Variants in C9 observed in about 807,000 individuals in gnomAD.
C9 encodes complement C9, also known as complement component C9.
Under a neutral mutation model 65.4 loss-of-function variants are expected in C9, and 63 were observed. The ratio of observed to expected loss-of-function variants is 0.96; its 90% CI spans 0.79 to 1.19. The LOEUF is 1.19. Among genes scored for constraint, C9 ranks in the 50% most tolerant of loss-of-function variants. C9 has a pLI of 0.00. For synonymous variants in C9, 229 were observed against 227.9 expected, an observed-to-expected ratio of 1.00 and a Z score of -0.04; for missense variants, 744 against 670.1, an observed-to-expected ratio of 1.11 and a Z score of -1.22.
chr5:39,348,510 G>A (rs1050165403), intron 1 of C9, among the ~76,000 whole-genome samples: 1 of 152,216 alleles, frequency 6.6e-6, no homozygotes, highest in African/African-American at 2.4e-5. Context: ...TCATTAAAAA[G>A]TCAGGAAACA....
intron 10 of C9, among the ~76,000 whole-genome samples, chr5:39,288,497 A>G (rs1431053204): frequency 2.0e-5 from 3 of 151,662 alleles, no homozygotes; most frequent in Admixed American, 2.0e-4. Flanking sequence ...TACAATAATT[A>G]TAATTTATTT....
At chr5:39,332,432 C>G (rs766414742) in intron 4 of C9, among the ~76,000 whole-genome samples, 7 of 152,124 alleles carry the variant, frequency 4.6e-5, no homozygotes, top group Non-Finnish European at 8.8e-5. Flanking sequence ...TCTATTTTTT[C>G]CCATAGCAAA....
At chr5:39,311,930 T>A (rs1285194186) in intron 6 of C9, among the ~76,000 whole-genome samples, 1 of 152,124 alleles carries the variant, frequency 6.6e-6, no homozygotes, top group South Asian at 2.1e-4. Context: ...AAGTCAGACA[T>A]AGAGGAGTAT....
chr5:39,346,637 T>C (rs1403964043), intron 1 of C9, among the ~76,000 whole-genome samples: 3 of 152,060 alleles, frequency 2.0e-5, no homozygotes, highest in Admixed American at 1.3e-4. Context: ...TTCCAATCAA[T>C]AGAAAAAGAG....
At chr5:39,308,171 G>C in intron 8 of C9, 59 bp downstream of exon 8, 1 of 1,461,656 alleles carries the variant, frequency 6.8e-7, no homozygotes, top group Non-Finnish European at 9.6e-7. Flanking sequence ...CAAGAGGGCA[G>C]TGCTCATTGA....
chr5:39,356,821 A>G (rs1292360777), intron 1 of C9, among the ~76,000 whole-genome samples: 1 of 152,216 alleles, frequency 6.6e-6, no homozygotes, highest in Non-Finnish European at 1.5e-5. Flanking sequence ...CTCACTCAGC[A>G]GATCATCTTT....
chr5:39,305,944 T>C (rs1753365840), intron 9 of C9, among the ~76,000 whole-genome samples: 1 of 152,056 alleles, frequency 6.6e-6, no homozygotes, highest in Non-Finnish European at 1.5e-5. Flanking sequence ...GCAGATCACT[T>C]GAGGCCAGGA....
At chr5:39,344,836 C>G (rs1001904058) in intron 1 of C9, among the ~76,000 whole-genome samples, 1 of 152,184 alleles carries the variant, frequency 6.6e-6, no homozygotes, top group African/African-American at 2.4e-5. Flanking sequence ...GGCAGAAACT[C>G]TACAAGCCAG....
intron 6 of C9, among the ~76,000 whole-genome samples, chr5:39,315,108 G>A (rs1753547979): frequency 6.6e-6 from 1 of 152,154 alleles, no homozygotes; most frequent in Admixed American, 6.6e-5. Context: ...ACATAGTTAG[G>A]CATCATATAA....
chr5:39,309,632 G>A (rs542851091), intron 7 of C9, among the ~76,000 whole-genome samples: 1 of 152,148 alleles, frequency 6.6e-6, no homozygotes, highest in Non-Finnish European at 1.5e-5. Context: ...TGACCCTAAA[G>A]GGCTCAGATT....
In C9 at chr5:39,334,040, T is replaced by G. The variant is rs568116037; in HGVS notation, c.477-2226A>C. Among the ~76,000 whole-genome samples the G allele has an allele frequency of 2.7e-4, 41 of 151,988 alleles. No individual in the cohort carries two copies. The South Asian group carries it at 7.7e-3, about 28-fold the overall frequency. On this transcript the variant is annotated intron_variant, in intron 4 of 10. Transcript: ENST00000263408. ...GCCTCTGCCCGGCCGCCACCCCGTC[T>G]GGGAAGTGAGGAGCGTCTCTGCCTG...
At position 39,316,025 on chromosome 5, in the gene C9, T is replaced by TA; in HGVS notation, c.619_620insT (p.Lys207IlefsTer16). On this transcript the variant is annotated frameshift_variant, in exon 6 of 11. Transcript: ENST00000263408. LOFTEE classifies it high-confidence loss of function. ...TTCGGTTCTGAAATTTTTCTCGCCT[T>TA]TGGTCTAAAAGAGAATAAAAAAGTG... 6.2e-7 allele frequency: 1 copy of TA among 1,611,562 alleles called. No homozygotes were observed. Among genetic ancestry groups the TA allele is most frequent in the Non-Finnish European group, 8.5e-7 (1 of 1,178,364 alleles).
At chr5:39,327,071 G>GA (rs1331145042) in intron 5 of C9, among the ~76,000 whole-genome samples, 11 of 152,036 alleles carry the variant, frequency 7.2e-5, no homozygotes, top group East Asian at 5.8e-4. Context: ...ACCAAATAGA[G>GA]AAAAAATCAA....
chr5:39,325,098 A>G (rs1034952277), intron 5 of C9, among the ~76,000 whole-genome samples: 1 of 152,248 alleles, frequency 6.6e-6, no homozygotes, highest in Non-Finnish European at 1.5e-5. Flanking sequence ...GAGTAAGTAG[A>G]GAAAACTGTT....
At chr5:39,285,294 C>T (rs1752971433) in intron 10 of C9, 61 bp from the exon 11 acceptor site, 1 of 1,346,308 alleles carries the variant, frequency 7.4e-7, no homozygotes, top group Non-Finnish European at 1.1e-6. Flanking sequence ...TTGGGTCCAT[C>T]CACCCATCCG....
At chr5:39,316,417 G>A (rs557432575) in intron 5 of C9, among the ~76,000 whole-genome samples, 8 of 152,148 alleles carry the variant, frequency 5.3e-5, no homozygotes, top group Non-Finnish European at 1.2e-4. Flanking sequence ...GTAAACATGT[G>A]CTATGGTGGT....
At chr5:39,289,850 A>G (rs1753057273) in intron 9 of C9, among the ~76,000 whole-genome samples, 2 of 151,934 alleles carry the variant, frequency 1.3e-5, no homozygotes, top group African/African-American at 2.4e-5. Flanking sequence ...ACCAATTTAG[A>G]CAGCAGGGAA....
chr5:39,346,886 T>G (rs1754208011), intron 1 of C9, among the ~76,000 whole-genome samples: 1 of 152,186 alleles, frequency 6.6e-6, no homozygotes, highest in African/African-American at 2.4e-5. Context: ...TCAATAAACG[T>G]AATCCAGCAT....
intron 1 of C9, among the ~76,000 whole-genome samples, chr5:39,352,028 T>G (rs920481125): frequency 6.6e-6 from 1 of 152,048 alleles, no homozygotes; most frequent in Non-Finnish European, 1.5e-5. Context: ...TTCCACAGAT[T>G]GTATAGGAGG....
Sources: allele counts gnomAD v4.1 joint callset (sites outside exome capture counted in the v4.1 genomes callset), GRCh38; gene constraint gnomAD v4.1.1; transcripts MANE v1.5; gene names NCBI Gene and HGNC (gene_info 2026-07-23, HGNC 2026-07-21).